MAP1LC3A: variants seen among roughly 807,000 people sequenced by gnomAD.
MAP1LC3A encodes the protein microtubule-associated protein 1 light chain 3 alpha.
A neutral mutation model predicts 15.2 loss-of-function variants in MAP1LC3A; 10 were observed. That is an observed-to-expected ratio of 0.66 (90% CI 0.41 to 1.12). MAP1LC3A has a LOEUF of 1.12. Ranked by LOEUF, MAP1LC3A falls within the 50% of genes most tolerant of loss-of-function variation. MAP1LC3A has a pLI of 0.00. For missense variants in MAP1LC3A, 138 were observed against 167.3 expected, an observed-to-expected ratio of 0.82 and a Z score of 0.97; for synonymous variants, 63 against 64.3, an observed-to-expected ratio of 0.98 and a Z score of 0.10.
upstream of MAP1LC3A, chr20:34,558,604 A>C (rs1010649439): frequency 3.3e-6 from 4 of 1,206,754 alleles, no homozygotes; most frequent in Non-Finnish European, 2.1e-6. This position sits in a 1 kb window ranked among gnomAD's most constrained non-coding sequence, Gnocchi z 4.3. Context: ...CGGTCCGCGG[A>C]CCCAGGCTCT....
chr20:34,550,822 T>C (rs907979645), intron 2 of MAP1LC3A, among the ~76,000 whole-genome samples: 1 of 152,126 alleles, frequency 6.6e-6, no homozygotes, highest in Non-Finnish European at 1.5e-5. Flanking sequence ...AATATATATA[T>C]ATCCACACAA....
At chr20:34,559,051 C>T in intron 1 of MAP1LC3A, 143 bp downstream of exon 1, 1 of 1,329,176 alleles carries the variant, frequency 7.5e-7, no homozygotes, top group Non-Finnish European at 9.6e-7. Flanking sequence ...GGGGGCTGCC[C>T]GCTTCCCCAC....
At chr20:34,558,506 C>T, upstream of MAP1LC3A, 1 of 1,054,154 alleles carries the variant, frequency 9.5e-7, no homozygotes, top group Non-Finnish European at 1.1e-6. The surrounding 1 kb of genome is among the most constrained non-coding windows in gnomAD (Gnocchi z 4.3). Flanking sequence ...CCGGGCCTTA[C>T]CTTGAGTTCG....
chr20:34,559,040 CGG>C, intron 1 of MAP1LC3A, 132 bp downstream of exon 1: 1 of 1,333,204 alleles, frequency 7.5e-7, no homozygotes, highest in Non-Finnish European at 9.6e-7. Context: ...CCGGCCTGGG[CGG>C]GGGCTGCCCG....
In MAP1LC3A at chr20:34,559,470, C is replaced by G; in HGVS notation, c.203+17C>G. 3.1e-6 allele frequency: 5 copies of G among 1,604,658 alleles called. No homozygotes were observed. Among genetic ancestry groups the G allele is most frequent in the Non-Finnish European group, 4.3e-6 (5 of 1,174,500 alleles). ...GATCATCCGGTGCGTGGGCAGCCGC[C>G]GCCAGGAGGTGGCTAGGGTCGGGAG... On this transcript the variant is annotated intron_variant, in intron 3 of 3. Coordinates refer to ENST00000360668, the MANE Select transcript of MAP1LC3A (RefSeq NM_032514.4).
At position 34,559,467 on chromosome 20, in the gene MAP1LC3A, C is replaced by T. The variant is rs993854710; in HGVS notation, c.203+14C>T. The T allele has an allele frequency of 3.1e-6, 5 of 1,606,186 alleles. No individual in the cohort carries two copies. The highest frequency in any genetic ancestry group is 1.7e-4 in the Middle Eastern group (1 of 5,746). ...CAAGATCATCCGGTGCGTGGGCAGC[C>T]GCCGCCAGGAGGTGGCTAGGGTCGG... On this transcript the variant is annotated intron_variant, in intron 3 of 3. Coordinates refer to ENST00000360668, the MANE Select transcript of MAP1LC3A (RefSeq NM_032514.4).
chr20:34,559,351 T>TC lies in MAP1LC3A; in HGVS notation c.102dup (p.Ile35HisfsTer7). The TC allele has an allele frequency of 6.3e-7, 1 of 1,597,770 alleles. No individual in the cohort carries two copies. Among genetic ancestry groups the TC allele is most frequent in the Non-Finnish European group, 8.5e-7 (1 of 1,171,452 alleles). ...GCCCGCCCGCCCTGCTCCCAGGTGATCATCGAGCGCTACAAGGGTGAGAAG... is the reference window on the plus strand; with the variant it reads ...GCCCGCCCGCCCTGCTCCCAGGTGATCCATCGAGCGCTACAAGGGTGAGAAG... On this transcript the variant is annotated frameshift_variant, in exon 3 of 4. Coordinates refer to ENST00000360668, the MANE Select transcript of MAP1LC3A (RefSeq NM_032514.4). LOFTEE classifies it high-confidence loss of function.
Position 34,560,037 on chromosome 20 carries a change from A to C in MAP1LC3A, c.*139A>C. On this transcript the variant is annotated 3_prime_UTR_variant, in exon 4 of 4. Transcript: ENST00000360668. ...GTGCCCCCCTAGTCAGAGGGCACCA[A>C]CCCACCTACTCTGCCCCTGGGTGGA... is the stretch of plus-strand genomic sequence containing the variant. 4.3e-6 allele frequency: 3 copies of C among 698,380 alleles called. No individual in the cohort carries two copies. The allele number at this position is 698,380 out of a possible 1,614,324, so 43.3% of individuals were successfully genotyped here.
intron 1 of MAP1LC3A, among the ~76,000 whole-genome samples, chr20:34,548,834 T>A (rs868308300): frequency 4.3e-4 from 65 of 150,912 alleles, no homozygotes; most frequent in African/African-American, 1.5e-3. Flanking sequence ...GTCTCCCGAG[T>A]AGCTGAGACT....
chr20:34,559,478 G>A (rs1047897298), intron 3 of MAP1LC3A, 25 bp downstream of exon 3: 2 of 1,596,818 alleles, frequency 1.3e-6, no homozygotes, highest in Non-Finnish European at 1.7e-6. Flanking sequence ...GCCGCCAGGA[G>A]GTGGCTAGGG....
intron 2 of MAP1LC3A, among the ~76,000 whole-genome samples, chr20:34,550,814 T>A (rs1029019757): frequency 1.4e-4 from 21 of 152,100 alleles, no homozygotes; most frequent in African/African-American, 4.1e-4. Context: ...TAATTAAAAA[T>A]ATATATATAT....
rs138991746 is a variant in MAP1LC3A at position 34,549,171 on chromosome 20, A to G, written c.-73-734A>G. On this transcript the variant is annotated intron_variant, in intron 1 of 4. Coordinates refer to the MAP1LC3A transcript ENST00000374837. Reference sequence around the variant, plus strand: ...TTCCCAAGTAGCTGGGATTGCAGGCATGCACCATCATGCCTGGCTAATTTT... The same window carrying G: ...TTCCCAAGTAGCTGGGATTGCAGGCGTGCACCATCATGCCTGGCTAATTTT... Among the ~76,000 whole-genome samples, 1,234 of 152,108 alleles carry G rather than the reference A, an allele frequency of 8.1e-3. 22 individuals are homozygous for G. Among genetic ancestry groups the G allele is most frequent in the African/African-American group, 0.029 (1,183 of 41,474 alleles).
At chr20:34,552,187 G>A (rs1211688131) in intron 2 of MAP1LC3A, among the ~76,000 whole-genome samples, 2 of 152,130 alleles carry the variant, frequency 1.3e-5, no homozygotes, top group Non-Finnish European at 2.9e-5. Context: ...TAGTAGAGAC[G>A]GGGTTTCGCC....
chr20:34,550,009 G>T lies in MAP1LC3A; in HGVS notation c.32G>T (p.Gly11Val), dbSNP rs1233714136. ...ATGAGATTCTTCAGTTCTCCATGTG[G>T]AAAAGCAGCTGTGGACCCAGGTCTG... Residue 11 changes from glycine (G) to valine (V), a missense_variant, in exon 2 of 5, where the codon GGA (glycine) becomes GTA (valine). Transcript: ENST00000374837. 3 of 1,614,188 alleles carry T rather than the reference G, an allele frequency of 1.9e-6. No individual in the cohort carries two copies. In the Admixed American group the frequency reaches 5.0e-5, roughly 27 times the overall value.
chr20:34,559,329 C>G lies in MAP1LC3A; in HGVS notation c.97-18C>G, dbSNP rs765401558. 8 of 1,591,734 alleles carry G rather than the reference C, an allele frequency of 5.0e-6. No homozygotes were observed. Among genetic ancestry groups the G allele is most frequent in the Non-Finnish European group, 6.9e-6 (8 of 1,166,080 alleles). ...CGCGTTCCCGACACGACCCCCTGCCCGCCCGCCCTGCTCCCAGGTGATCAT... is the reference window on the plus strand; with the variant it reads ...CGCGTTCCCGACACGACCCCCTGCCGGCCCGCCCTGCTCCCAGGTGATCAT... On this transcript the variant is annotated intron_variant, in intron 2 of 3. Coordinates refer to ENST00000360668, the MANE Select transcript of MAP1LC3A (RefSeq NM_032514.4).
At chr20:34,553,198 A>C (rs1299719034) in intron 2 of MAP1LC3A, among the ~76,000 whole-genome samples, 1 of 152,168 alleles carries the variant, frequency 6.6e-6, no homozygotes, top group Non-Finnish European at 1.5e-5. Flanking sequence ...CAAAAATGAA[A>C]AATAAATAAA....
At chr20:34,549,582 C>T (rs377008414) in intron 1 of MAP1LC3A, among the ~76,000 whole-genome samples, 3 of 152,306 alleles carry the variant, frequency 2.0e-5, no homozygotes, top group South Asian at 2.1e-4. Flanking sequence ...TGACTGGCCC[C>T]GCCATGGGCA....
At chr20:34,558,529 A>C, upstream of MAP1LC3A, 4 of 1,093,686 alleles carry the variant, frequency 3.7e-6, no homozygotes, top group Non-Finnish European at 4.4e-6. The surrounding 1 kb of genome is among the most constrained non-coding windows in gnomAD (Gnocchi z 4.3). Flanking sequence ...CTGCGGGAGA[A>C]GCTCCCGCGC....
chr20:34,556,892 C>T (rs956273659), upstream of MAP1LC3A, among the ~76,000 whole-genome samples: 4 of 152,210 alleles, frequency 2.6e-5, no homozygotes, highest in Admixed American at 6.5e-5. Flanking sequence ...TGAGCCACTG[C>T]GCCTGGCCTA....
Sources: gnomAD v4.1 joint callset for allele counts (sites outside exome capture counted in the v4.1 genomes callset) on GRCh38, gnomAD v4.1.1 for gene constraint, Gnocchi (gnomAD v3.1) non-coding constraint, MANE v1.5 for transcripts, NCBI Gene and HGNC (gene_info 2026-07-23, HGNC 2026-07-21) for gene names.